The following FGF14 variants were observed in gnomAD, a reference collection of about 807,000 sequenced individuals.
FGF14 encodes fibroblast growth factor homologous factor 4.
A neutral mutation model predicts 25.5 loss-of-function variants in FGF14; 5 were observed. The observed-to-expected ratio is 0.20, with a 90% confidence interval of 0.10 to 0.41. The LOEUF (loss-of-function observed/expected upper bound fraction) is 0.41, where lower values mean the gene tolerates loss of function less well. FGF14 is among the 10% of genes least tolerant of loss of function. The probability of loss-of-function intolerance (pLI) is 1.00; values close to 1 mark genes in which losing one functional copy is unlikely to be tolerated. For missense variants in FGF14, 222 were observed against 320.1 expected (o/e 0.69, Z 2.34); for synonymous variants, 138 against 118.3 (o/e 1.17, Z -1.08).
At chr13:101,981,686 T>C (rs1034190860) in intron 1 of FGF14, among the ~76,000 whole-genome samples, 4 of 152,118 alleles carry the variant, frequency 2.6e-5, no homozygotes, top group African/African-American at 9.7e-5. Context: ...CTCGAAATTA[T>C]ACTAGGGTGG....
At chr13:102,100,215 T>C (rs1445727218) in intron 1 of FGF14, among the ~76,000 whole-genome samples, 4 of 152,058 alleles carry the variant, frequency 2.6e-5, no homozygotes, top group Non-Finnish European at 4.4e-5. Flanking sequence ...AAGCAGAATA[T>C]ATATTCCAAG....
intron 1 of FGF14, among the ~76,000 whole-genome samples, chr13:102,006,160 A>T (rs944560696): frequency 8.5e-5 from 13 of 152,216 alleles, no homozygotes; most frequent in Non-Finnish European, 7.3e-5. Flanking sequence ...TTATTGGGGA[A>T]AATGTTAACA....
At chr13:102,347,685 G>C (rs4772462) in intron 1 of FGF14, among the ~76,000 whole-genome samples, 29,638 of 152,148 alleles carry the variant, frequency 0.19, 3,028 homozygotes, top group South Asian at 0.23. Context: ...AAGATCCAGA[G>C]TGACAGAACT....
intron 1 of FGF14, among the ~76,000 whole-genome samples, chr13:102,130,761 G>T (rs1419524310): frequency 6.6e-6 from 1 of 152,138 alleles, no homozygotes; most frequent in Non-Finnish European, 1.5e-5. Flanking sequence ...CTTAATCTAG[G>T]TTGTTGAAGT....
chr13:101,871,442 G>A (rs751215940), intron 2 of FGF14, among the ~76,000 whole-genome samples: 4 of 152,080 alleles, frequency 2.6e-5, no homozygotes, highest in Non-Finnish European at 5.9e-5. Flanking sequence ...AACTAAGGAC[G>A]GTGAGAACTG....
chr13:101,720,611 T>C lies in FGF14; in HGVS notation c.*2220A>G, dbSNP rs3825514. 52,185 of 151,540 alleles carry C rather than the reference T, an allele frequency of 0.34. 9,198 individuals are homozygous for C. Among genetic ancestry groups the C allele is most frequent in the East Asian group, 0.52 (2,641 of 5,104 alleles). The allele number at this position is 151,540 out of a possible 1,614,324, so 9.4% of individuals were successfully genotyped here. ...AGTGAAGTGTTGCTGCTGTAAGTAG[T>C]GTCCATAAGCCCATTTGACTGTATT... On this transcript the variant is annotated 3_prime_UTR_variant, in exon 5 of 5. Coordinates refer to ENST00000376143, the MANE Select transcript of FGF14 (RefSeq NM_004115.4).
In FGF14 at chr13:101,743,648, G is replaced by C. The variant is rs138356345; in HGVS notation, c.409-16838C>G. 2.0e-5 allele frequency among the ~76,000 whole-genome samples: 3 copies of C among 152,232 alleles called. No individual in the cohort carries two copies. The East Asian group carries it at 5.8e-4, about 29-fold the overall frequency. Reference sequence around the variant, plus strand: ...CACACTGTCAGTGATAGAATGTTCAGATAAAGAAACATATACAACGAAGCA... The same window carrying C: ...CACACTGTCAGTGATAGAATGTTCACATAAAGAAACATATACAACGAAGCA... On this transcript the variant is annotated intron_variant, in intron 3 of 4. Transcript: ENST00000376143.
chr13:102,258,314 T>A (rs1007637664), intron 1 of FGF14, among the ~76,000 whole-genome samples: 7 of 151,914 alleles, frequency 4.6e-5, no homozygotes, highest in Non-Finnish European at 8.8e-5. Flanking sequence ...TCAGCCCACA[T>A]GTGAGGGACA....
In FGF14 at chr13:101,719,222, C is replaced by G. The variant is rs1231355027; in HGVS notation, c.*3609G>C. On this transcript the variant is annotated 3_prime_UTR_variant, in exon 5 of 5. Coordinates refer to ENST00000376143, the MANE Select transcript of FGF14 (RefSeq NM_004115.4). ...TTTGGTTTTTGCTTTTAAAGACAAC[C>G]AAATCTGATATTGTTCATCCTGATA... 1 of 151,986 alleles carries G rather than the reference C, an allele frequency of 6.6e-6. No individual in the cohort carries two copies. The highest frequency in any genetic ancestry group is 1.5e-5 in the Non-Finnish European group (1 of 67,976). The allele number at this position is 151,986 out of a possible 1,614,324, so 9.4% of individuals were successfully genotyped here.
At chr13:101,887,083 T>C (rs2046027625) in intron 1 of FGF14, among the ~76,000 whole-genome samples, 1 of 152,006 alleles carries the variant, frequency 6.6e-6, no homozygotes, top group Non-Finnish European at 1.5e-5. Flanking sequence ...AACCCTCATA[T>C]GCTTTTTGGT....
chr13:101,944,032 A>G (rs533900885), intron 1 of FGF14, among the ~76,000 whole-genome samples: 1 of 150,966 alleles, frequency 6.6e-6, no homozygotes, highest in African/African-American at 2.4e-5. Context: ...AAAACATGGT[A>G]AAAAACAAAA....
intron 1 of FGF14, among the ~76,000 whole-genome samples, chr13:102,224,940 T>C (rs1253437066): frequency 6.6e-6 from 1 of 152,102 alleles, no homozygotes; most frequent in African/African-American, 2.4e-5. Context: ...TTCCCTTCCT[T>C]CACAGAAATG....
intron 1 of FGF14, among the ~76,000 whole-genome samples, chr13:102,271,899 C>T (rs948380388): frequency 6.6e-6 from 1 of 152,168 alleles, no homozygotes; most frequent in African/African-American, 2.4e-5. Context: ...GCCTCCTAAC[C>T]TAAGTCTCTG....
intron 1 of FGF14, among the ~76,000 whole-genome samples, chr13:101,891,783 G>A (rs142526076): frequency 6.6e-6 from 1 of 152,114 alleles, no homozygotes; most frequent in African/African-American, 2.4e-5. Context: ...ATTTAACAAT[G>A]TTCACACAGT....
At chr13:102,151,660 G>A (rs1028268914) in intron 1 of FGF14, among the ~76,000 whole-genome samples, 20 of 151,890 alleles carry the variant, frequency 1.3e-4, no homozygotes, top group African/African-American at 2.7e-4. Context: ...CACCATGCCC[G>A]GCTAATTTTT....
intron 1 of FGF14, among the ~76,000 whole-genome samples, chr13:101,880,676 A>G (rs1431787071): frequency 6.6e-6 from 1 of 152,224 alleles, no homozygotes; most frequent in Non-Finnish European, 1.5e-5. Flanking sequence ...ATATGGCTTT[A>G]TATCAATCAG....
chr13:101,839,138 T>C (rs2043077029), intron 3 of FGF14, among the ~76,000 whole-genome samples: 1 of 152,112 alleles, frequency 6.6e-6, no homozygotes, highest in African/African-American at 2.4e-5. Flanking sequence ...TACTAATTTC[T>C]AGAACCTAAT....
At chr13:101,822,562 A>G (rs939463928) in intron 3 of FGF14, among the ~76,000 whole-genome samples, 1 of 151,676 alleles carries the variant, frequency 6.6e-6, no homozygotes, top group African/African-American at 2.4e-5. Context: ...ATTTGAAGAG[A>G]TATAACATCT....
chr13:101,749,341 AAC>A (rs2037117012), intron 3 of FGF14, among the ~76,000 whole-genome samples: 2 of 152,124 alleles, frequency 1.3e-5, no homozygotes, highest in South Asian at 4.1e-4. Flanking sequence ...AAAAGGAATG[AAC>A]TATTGATACA....
Sources: allele counts gnomAD v4.1 joint callset (sites outside exome capture counted in the v4.1 genomes callset), GRCh38; gene constraint gnomAD v4.1.1; transcripts MANE v1.5; gene names NCBI Gene and HGNC (gene_info 2026-07-23, HGNC 2026-07-21).